PATJ: variants seen among roughly 807,000 people sequenced by gnomAD.
PATJ encodes inaD-like protein.
PATJ carries 190 observed loss-of-function variants against 224.9 expected under a neutral mutation model. The observed-to-expected ratio is 0.84, with a 90% CI of 0.75 to 0.95. The LOEUF is 0.95. Among genes scored for constraint, PATJ ranks in the 40% least tolerant of loss-of-function variants. The probability of loss-of-function intolerance (pLI) is 0.00; values close to 1 mark genes in which losing one functional copy is unlikely to be tolerated. For missense variants in PATJ, 2,121 were observed against 2,270.3 expected (o/e 0.93, Z 1.34); for synonymous variants, 769 against 820.3 (o/e 0.94, Z 1.07).
intron 11 of PATJ, among the ~76,000 whole-genome samples, chr1:61,800,893 C>A (rs908962248): frequency 3.3e-5 from 5 of 152,170 alleles, no homozygotes; most frequent in African/African-American, 1.2e-4. Context: ...ACCCATGTCC[C>A]TACAAAGGAC....
In PATJ at chr1:61,980,437, T is replaced by TTGTGTGTGTGTG. The variant is rs148389720; in HGVS notation, c.3671-9700_3671-9689dup. 3.9e-5 allele frequency among the ~76,000 whole-genome samples: 5 copies of TTGTGTGTGTGTG among 129,738 alleles called. 1 individual carries two copies. Among genetic ancestry groups the TTGTGTGTGTGTG allele is most frequent in the African/African-American group, 1.2e-4 (4 of 33,086 alleles). 85.1% of individuals were successfully genotyped at this position (129,738 alleles called of 152,430 possible). ...TGCCAAAAGCTAGTACTTATATAATTTGTGTGTGTGTGTGTGTGTGTGTGT... is the reference window on the plus strand; with the variant it reads ...TGCCAAAAGCTAGTACTTATATAATTTGTGTGTGTGTGTGTGTGTGTGTGTGTGTGTGTGTGT... On this transcript the variant is annotated intron_variant, in intron 27 of 43. Transcript: ENST00000642238.
Position 61,827,579 on chromosome 1 carries a change from CAG to C in PATJ, c.1979_1980del (p.Glu660GlyfsTer2). 6.2e-7 allele frequency: 1 copy of C among 1,613,462 alleles called. No individual in the cohort carries two copies. The highest frequency in any genetic ancestry group is 1.1e-5 in the South Asian group (1 of 90,980). On this transcript the variant is annotated frameshift_variant and splice_region_variant, in exon 16 of 44. Coordinates refer to ENST00000642238, the MANE Select transcript of PATJ (RefSeq NM_001350145.3). LOFTEE classifies it high-confidence loss of function. ...CGCACTGAAACCTCTCTTCCTGAGA[CAG>C]AGGTACTAAATGAATATAGTGCATT...
intron 28 of PATJ, among the ~76,000 whole-genome samples, chr1:62,012,275 A>G (rs17122915): frequency 0.068 from 10,350 of 152,194 alleles, 808 homozygotes; most frequent in East Asian, 0.41. Context: ...AGGATTATAG[A>G]CTTTTAAACT....
chr1:61,864,477 C>T lies in PATJ; in HGVS notation c.2679C>T (p.His893=). Residue 893 remains histidine, a synonymous_variant, in exon 20 of 44, where the codon CAC becomes CAT. Coordinates refer to ENST00000642238, the MANE Select transcript of PATJ (RefSeq NM_001350145.3). ...CCATGGAGTTGTATCCCTTGTCGCA[C>T]ATTCAAGAGGCCACTCCTGTGCCCT... The part of the protein sequence containing the change: ...SPSMELYPLS[H]IQEATPVPSV... The T allele has an allele frequency of 6.2e-7, 1 of 1,614,080 alleles. No homozygotes were observed. The highest frequency in any genetic ancestry group is 8.5e-7 in the Non-Finnish European group (1 of 1,179,932).
intron 27 of PATJ, among the ~76,000 whole-genome samples, chr1:61,956,160 C>T (rs1177930502): frequency 6.6e-6 from 1 of 152,198 alleles, no homozygotes; most frequent in Non-Finnish European, 1.5e-5. Context: ...CTTCTCAGCA[C>T]AAACTGACTT....
intron 28 of PATJ, among the ~76,000 whole-genome samples, chr1:62,012,722 T>G (rs1014342153): frequency 2.0e-5 from 3 of 152,316 alleles, no homozygotes; most frequent in Non-Finnish European, 2.9e-5. Context: ...TGAAATTGTT[T>G]TATATTAAAT....
chr1:61,843,878 C>G (rs1661507799), intron 17 of PATJ, among the ~76,000 whole-genome samples: 1 of 151,262 alleles, frequency 6.6e-6, no homozygotes. Flanking sequence ...TCATTCTCAC[C>G]TTTAAAAGAT....
chr1:62,092,782 C>T (rs1660937671), intron 33 of PATJ, among the ~76,000 whole-genome samples: 1 of 149,746 alleles, frequency 6.7e-6, no homozygotes, highest in Admixed American at 6.6e-5. Flanking sequence ...CGCTCTGTCA[C>T]CCAGGCAGGA....
intron 41 of PATJ, among the ~76,000 whole-genome samples, chr1:62,142,065 A>G (rs182435909): frequency 2.0e-4 from 31 of 152,360 alleles, no homozygotes; most frequent in Non-Finnish European, 4.1e-4. Flanking sequence ...TATGTTGAAT[A>G]AATGAGCGAG....
chr1:61,989,703 T>A (rs1432608229), intron 27 of PATJ, among the ~76,000 whole-genome samples: 1 of 152,120 alleles, frequency 6.6e-6, no homozygotes, highest in Non-Finnish European at 1.5e-5. Flanking sequence ...TCTACCACTT[T>A]GTGTTGATTG....
intron 37 of PATJ, among the ~76,000 whole-genome samples, chr1:62,117,848 G>C (rs1664616328): frequency 6.6e-6 from 1 of 152,048 alleles, no homozygotes; most frequent in South Asian, 2.1e-4. Context: ...AGCCCCATGT[G>C]GTACATAATG....
chr1:61,764,140 G>A (rs1206686603), intron 3 of PATJ, among the ~76,000 whole-genome samples: 2 of 152,084 alleles, frequency 1.3e-5, no homozygotes, highest in African/African-American at 4.8e-5. Context: ...TTATAGGCGT[G>A]AGCCACCTCG....
At chr1:61,778,612 C>T (rs1014075551) in intron 7 of PATJ, among the ~76,000 whole-genome samples, 2 of 152,082 alleles carry the variant, frequency 1.3e-5, no homozygotes, top group African/African-American at 2.4e-5. Flanking sequence ...TTGTAACATA[C>T]TGAATGCAGA....
At chr1:62,059,561 G>T (rs1328838906) in intron 31 of PATJ, among the ~76,000 whole-genome samples, 1 of 151,918 alleles carries the variant, frequency 6.6e-6, no homozygotes, top group South Asian at 2.1e-4. Context: ...AGGTTGCAAT[G>T]AGCCGAGATT....
chr1:62,037,426 C>A (rs566011887), intron 29 of PATJ, among the ~76,000 whole-genome samples: 100 of 152,110 alleles, frequency 6.6e-4, no homozygotes, highest in Non-Finnish European at 1.1e-3. Flanking sequence ...AATTCACCTA[C>A]CCACAAAGCA....
intron 32 of PATJ, among the ~76,000 whole-genome samples, chr1:62,082,386 A>T (rs958380240): frequency 6.6e-6 from 1 of 152,168 alleles, no homozygotes; most frequent in Non-Finnish European, 1.5e-5. Flanking sequence ...CATTTTTCTG[A>T]TGAGAAGTGA....
At chr1:61,906,787 C>T (rs1005963316) in intron 24 of PATJ, among the ~76,000 whole-genome samples, 14 of 152,164 alleles carry the variant, frequency 9.2e-5, no homozygotes, top group African/African-American at 3.1e-4. Flanking sequence ...TATCTGGTCT[C>T]ATTAGAAGCT....
intron 26 of PATJ, among the ~76,000 whole-genome samples, chr1:61,923,541 C>T (rs1674644566): frequency 6.6e-6 from 1 of 152,044 alleles, no homozygotes; most frequent in Non-Finnish European, 1.5e-5. Flanking sequence ...GACATGTTCT[C>T]TAGAATCATT....
chr1:62,112,229 G>A (rs1421224782), intron 34 of PATJ, among the ~76,000 whole-genome samples: 1 of 152,168 alleles, frequency 6.6e-6, no homozygotes, highest in Admixed American at 6.5e-5. Flanking sequence ...TTGGGGGCCG[G>A]GTGCGGTGGC....
Sources: allele counts gnomAD v4.1 joint callset (sites outside exome capture counted in the v4.1 genomes callset), GRCh38; gene constraint gnomAD v4.1.1; transcripts MANE v1.5; gene names NCBI Gene and HGNC (gene_info 2026-07-23, HGNC 2026-07-21).